Variants in STK32A observed in about 807,000 individuals in gnomAD.
The protein encoded by STK32A is serine/threonine kinase 32A, also known as serine/threonine-protein kinase 32A.
A neutral mutation model predicts 53.2 loss-of-function variants in STK32A; 41 were observed. The observed-to-expected ratio is 0.77, with a 90% CI of 0.60 to 1.00. The LOEUF (loss-of-function observed/expected upper bound fraction) is 1.00, where lower values mean the gene tolerates loss of function less well. STK32A is among the 50% of genes least tolerant of loss of function. The pLI is 0.00. For missense variants in STK32A, 458 were observed against 485.8 expected (o/e 0.94, Z 0.54); for synonymous variants, 166 against 162.8 (o/e 1.02, Z -0.15).
At chr5:147,278,369 A>T (rs1310752683) in intron 3 of STK32A, among the ~76,000 whole-genome samples, 190 bp downstream of exon 3, 1 of 152,244 alleles carries the variant, frequency 6.6e-6, no homozygotes, top group South Asian at 2.1e-4. Flanking sequence ...GCAGCTACAT[A>T]ATGAACATAT....
intron 2 of STK32A, among the ~76,000 whole-genome samples, chr5:147,242,782 A>G (rs957794300): frequency 7.9e-5 from 12 of 152,216 alleles, no homozygotes; most frequent in African/African-American, 2.9e-4. Context: ...TTTGAGGAGA[A>G]AAAGTATGCC....
chr5:147,283,904 C>G (rs960631157), intron 4 of STK32A, among the ~76,000 whole-genome samples: 2 of 151,402 alleles, frequency 1.3e-5, no homozygotes, highest in Non-Finnish European at 3.0e-5. Context: ...ACTAAGGAAA[C>G]CTCCCTAATT....
At chr5:147,244,731 G>T (rs535633567) in intron 2 of STK32A, among the ~76,000 whole-genome samples, 1 of 152,136 alleles carries the variant, frequency 6.6e-6, no homozygotes, top group Non-Finnish European at 1.5e-5. Context: ...TTAATTGAGG[G>T]GGAAACTTAT....
intron 4 of STK32A, among the ~76,000 whole-genome samples, chr5:147,323,218 A>C (rs1020400879): frequency 7.9e-5 from 12 of 152,330 alleles, no homozygotes; most frequent in Admixed American, 3.3e-4. Flanking sequence ...CAGAGCCCAC[A>C]AAGTCACTCA....
chr5:147,401,642 T>C, the STK32A span: 1 of 1,614,120 alleles, frequency 6.2e-7, no homozygotes, highest in Non-Finnish European at 8.5e-7. Flanking sequence ...GCTCCAATAA[T>C]GGGTTCCATC....
intron 6 of STK32A, among the ~76,000 whole-genome samples, chr5:147,349,738 A>T (rs1581125746): frequency 2.0e-5 from 3 of 152,116 alleles, no homozygotes; most frequent in East Asian, 3.9e-4. Flanking sequence ...AGAGTCTACT[A>T]TGTGTTAGAG....
At chr5:147,310,129 C>A (rs1753617117) in intron 4 of STK32A, among the ~76,000 whole-genome samples, 1 of 152,160 alleles carries the variant, frequency 6.6e-6, no homozygotes, top group East Asian at 1.9e-4. Flanking sequence ...GGTAGCGTTT[C>A]TACTGCTGGA....
chr5:147,269,123 G>A (rs1009323781), intron 2 of STK32A, among the ~76,000 whole-genome samples: 9 of 152,112 alleles, frequency 5.9e-5, no homozygotes, highest in Non-Finnish European at 1.2e-4. Context: ...ACCTAAAAAC[G>A]TGGCAATAAT....
intron 2 of STK32A, among the ~76,000 whole-genome samples, chr5:147,270,714 G>A (rs556744129): frequency 1.9e-4 from 29 of 152,240 alleles, no homozygotes; most frequent in Admixed American, 7.2e-4. Flanking sequence ...GCTTCACTCA[G>A]CATTAAAGAA....
At chr5:147,359,467 G>A (rs1471525578) in intron 7 of STK32A, among the ~76,000 whole-genome samples, 1 of 152,182 alleles carries the variant, frequency 6.6e-6, no homozygotes, top group Non-Finnish European at 1.5e-5. Context: ...GAATACTCAT[G>A]TAAACCCCAA....
At chr5:147,317,374 C>T (rs2151975000) in intron 4 of STK32A, among the ~76,000 whole-genome samples, 1 of 118,596 alleles carries the variant, frequency 8.4e-6, no homozygotes. Context: ...GTTTCCCAGG[C>T]TAGAGTGCAG....
intron 3 of STK32A, 95 bp downstream of exon 3, chr5:147,278,274 C>A (rs115044476): frequency 9.9e-7 from 1 of 1,008,332 alleles, no homozygotes; most frequent in Non-Finnish European, 1.5e-6. Context: ...TTGCTGGGAC[C>A]GCAAGGAAAG....
At chr5:147,334,926 G>A (rs893903255) in intron 5 of STK32A, among the ~76,000 whole-genome samples, 3 of 152,276 alleles carry the variant, frequency 2.0e-5, no homozygotes, top group East Asian at 1.9e-4. Flanking sequence ...ACCTGAATAC[G>A]CAGATATTTC....
At chr5:147,400,764 G>C in the STK32A span, 1 of 1,614,200 alleles carries the variant, frequency 6.2e-7, no homozygotes, top group South Asian at 1.1e-5. Context: ...CTGTGAAGTT[G>C]TCCTTCCCAA....
intron 4 of STK32A, among the ~76,000 whole-genome samples, chr5:147,292,157 T>C (rs1752628816): frequency 6.6e-6 from 1 of 152,220 alleles, no homozygotes; most frequent in Non-Finnish European, 1.5e-5. Flanking sequence ...GAGGGTACCA[T>C]GTAGACAAGG....
At chr5:147,368,166 T>C (rs1447909066) in intron 8 of STK32A, among the ~76,000 whole-genome samples, 1 of 152,256 alleles carries the variant, frequency 6.6e-6, no homozygotes. Flanking sequence ...AAGGTCCACA[T>C]CTTTTATAGT....
the STK32A span, chr5:147,397,890 A>C: frequency 6.6e-7 from 1 of 1,525,320 alleles, no homozygotes; most frequent in Admixed American, 1.9e-5. Flanking sequence ...GGGTAGAGAA[A>C]GAGGAACGTA....
At chr5:147,353,396 C>T (rs940595303) in intron 7 of STK32A, among the ~76,000 whole-genome samples, 4 of 152,148 alleles carry the variant, frequency 2.6e-5, no homozygotes, top group African/African-American at 7.2e-5. Context: ...TATCATTAGG[C>T]GAGCTCCTTA....
intron 4 of STK32A, among the ~76,000 whole-genome samples, chr5:147,289,589 C>T (rs1471890030): frequency 1.3e-5 from 2 of 151,392 alleles, no homozygotes; most frequent in Non-Finnish European, 2.9e-5. Context: ...TATACCTATA[C>T]ACACACAAAC....
Sources: gnomAD v4.1 joint callset for allele counts (sites outside exome capture counted in the v4.1 genomes callset) on GRCh38, gnomAD v4.1.1 for gene constraint, MANE v1.5 for transcripts, NCBI Gene and HGNC (gene_info 2026-07-23, HGNC 2026-07-21) for gene names.